The following ALDH18A1 variants were observed in gnomAD, a reference collection of about 807,000 sequenced individuals.
The protein encoded by ALDH18A1 is aldehyde dehydrogenase 18 family member A1, also known as delta-1-pyrroline-5-carboxylate synthase.
ALDH18A1 carries 44 observed loss-of-function variants against 88.8 expected under a neutral mutation model. That is an observed-to-expected ratio of 0.50 (90% confidence interval 0.39 to 0.64). The LOEUF (loss-of-function observed/expected upper bound fraction) is 0.64, where lower values mean the gene tolerates loss of function less well. Among genes scored for constraint, ALDH18A1 ranks in the 30% least tolerant of loss-of-function variants. The probability of loss-of-function intolerance (pLI) is 0.00; values close to 1 mark genes in which losing one functional copy is unlikely to be tolerated. For missense variants in ALDH18A1, 782 were observed against 1,009.5 expected, an observed-to-expected ratio of 0.77 and a Z score of 3.05; for synonymous variants, 331 against 372.1, an observed-to-expected ratio of 0.89 and a Z score of 1.27.
rs866679266 is a variant in ALDH18A1 at position 95,606,500 on chromosome 10, A to G, written c.*262T>C. On this transcript the variant is annotated 3_prime_UTR_variant, in exon 18 of 18. Coordinates refer to ENST00000371224, the MANE Select transcript of ALDH18A1 (RefSeq NM_002860.4). The stretch of plus-strand genomic sequence containing the variant: ...TTTTATGGGGAAAATGCACCTTTCA[A>G]TCCTAGAAGATAATTGGACTTGGCA... The G allele has an allele frequency of 3.0e-6, 4 of 1,327,994 alleles. No individual in the cohort carries two copies. The highest frequency in any genetic ancestry group is 2.9e-4 in the Middle Eastern group (1 of 3,390). The allele number at this position is 1,327,994 out of a possible 1,614,324, so 82.3% of individuals were successfully genotyped here.
At position 95,639,339 on chromosome 10, in the gene ALDH18A1, T is replaced by TAAAAAG. The variant is rs1033210310; in HGVS notation, c.304-1909_304-1904dup. Among the ~76,000 whole-genome samples, 78 of 151,588 alleles carry TAAAAAG rather than the reference T, an allele frequency of 5.1e-4. No individual in the cohort carries two copies. In the Middle Eastern group the frequency reaches 0.034, roughly 66 times the overall value. On this transcript the variant is annotated intron_variant, in intron 3 of 17. Transcript: ENST00000371224. ...AGCAAGACCCTCTCTCTAAAATAAA[T>TAAAAAG]AAAAAGAAAAAGAAAAAGAAAATTT...
chr10:95,627,233 A>G (rs1371938460), intron 9 of ALDH18A1, among the ~76,000 whole-genome samples: 1 of 151,580 alleles, frequency 6.6e-6, no homozygotes, highest in Admixed American at 6.6e-5. Context: ...ATGCTTATAT[A>G]TTTTAACCGA....
At chr10:95,626,913 G>A (rs575195370) in intron 9 of ALDH18A1, 137 bp from the exon 10 acceptor site, 6 of 851,740 alleles carry the variant, frequency 7.0e-6, no homozygotes, top group Non-Finnish European at 1.2e-5. Context: ...TGGTATGCTT[G>A]TTTCACACAG....
At chr10:95,655,607 C>A (rs1418552304) in intron 1 of ALDH18A1, among the ~76,000 whole-genome samples, 1 of 117,094 alleles carries the variant, frequency 8.5e-6, no homozygotes, top group Admixed American at 9.6e-5. Context: ...TCCCCTGTAC[C>A]ACCATCTCTG....
At chr10:95,640,646 T>C (rs1233781136) in intron 3 of ALDH18A1, among the ~76,000 whole-genome samples, 1 of 152,184 alleles carries the variant, frequency 6.6e-6, no homozygotes, top group East Asian at 1.9e-4. Context: ...CCAGCTGTGA[T>C]TCCCTTTCTT....
chr10:95,607,642 A>T (rs1055118232), intron 17 of ALDH18A1, among the ~76,000 whole-genome samples: 8 of 152,308 alleles, frequency 5.3e-5, no homozygotes, highest in South Asian at 2.1e-4. Context: ...TGTGGCGCTG[A>T]TATTATAGCA....
intron 13 of ALDH18A1, among the ~76,000 whole-genome samples, chr10:95,614,723 T>C (rs2097841441): frequency 6.6e-6 from 1 of 152,204 alleles, no homozygotes; most frequent in South Asian, 2.1e-4. Context: ...ACTGAGATTA[T>C]GGGCATTTTG....
chr10:95,626,894 A>G (rs2097861182), intron 9 of ALDH18A1, 118 bp from the exon 10 acceptor site: 12 of 1,011,982 alleles, frequency 1.2e-5, no homozygotes, highest in Non-Finnish European at 1.8e-5. Flanking sequence ...GAAGGAACAC[A>G]TGATGTCTTG....
intron 6 of ALDH18A1, 80 bp downstream of exon 6, chr10:95,633,411 A>C (rs992648135): frequency 6.5e-7 from 1 of 1,550,252 alleles, no homozygotes; most frequent in Non-Finnish European, 8.8e-7. Context: ...GTTTATGCCA[A>C]ACTTCTGGTG....
chr10:95,614,080 G>A lies in ALDH18A1; in HGVS notation c.1687C>T (p.Leu563=), dbSNP rs530424587. 2 of 1,614,210 alleles carry A rather than the reference G, an allele frequency of 1.2e-6. No homozygotes were observed. Among genetic ancestry groups the A allele is most frequent in the East Asian group, 4.5e-5 (2 of 44,890 alleles). The change falls in exon 14 of 18, where the codon CTG becomes TTG. Residue 563 remains leucine (L), a synonymous_variant. Transcript: ENST00000371224. ...DLIIPRGSSQ[L]VRDIQKAAKG... ...GCAGCTTTCTGGATGTCTCTGACCA[G>A]CTGGGAAGAGCCACGTGGAATGATC...
intron 17 of ALDH18A1, among the ~76,000 whole-genome samples, chr10:95,609,828 C>A (rs1180398104): frequency 7.4e-6 from 1 of 135,018 alleles, no homozygotes; most frequent in Non-Finnish European, 1.5e-5. Flanking sequence ...AGTGCTGTAG[C>A]GTAATCTCGG....
intron 7 of ALDH18A1, among the ~76,000 whole-genome samples, chr10:95,629,218 A>G (rs960891430): frequency 6.6e-6 from 1 of 152,260 alleles, no homozygotes; most frequent in Admixed American, 6.5e-5. Context: ...AGTGGGGGTA[A>G]GAAAGGGCTG....
chr10:95,636,822 G>A (rs981055760), intron 5 of ALDH18A1, among the ~76,000 whole-genome samples: 17 of 152,188 alleles, frequency 1.1e-4, no homozygotes, highest in African/African-American at 4.1e-4. Context: ...GATATTTACT[G>A]ACAATGTATT....
chr10:95,640,260 A>G (rs1237763746), intron 3 of ALDH18A1, among the ~76,000 whole-genome samples: 1 of 152,190 alleles, frequency 6.6e-6, no homozygotes, highest in Non-Finnish European at 1.5e-5. Context: ...TGGCCTCCAA[A>G]AATGGCCAAT....
chr10:95,618,603 T>C (rs2097847563), intron 12 of ALDH18A1, among the ~76,000 whole-genome samples: 1 of 152,218 alleles, frequency 6.6e-6, no homozygotes. Flanking sequence ...TGTCAGCCAC[T>C]GTGCCTGGCC....
At chr10:95,648,112 G>A (rs1049914990) in intron 2 of ALDH18A1, among the ~76,000 whole-genome samples, 6 of 152,194 alleles carry the variant, frequency 3.9e-5, no homozygotes, top group Admixed American at 2.0e-4. Context: ...CTGGACTCAG[G>A]ACTACTAGGA....
intron 15 of ALDH18A1, 28 bp downstream of exon 15, chr10:95,613,714 T>A: frequency 6.2e-7 from 1 of 1,613,892 alleles, no homozygotes; most frequent in Middle Eastern, 1.6e-4. Flanking sequence ...AGACAGGAAG[T>A]AATGTACTAG....
rs2097822269 is a variant in ALDH18A1, at chr10:95,606,176, C to T, written c.*586G>A. The T allele has an allele frequency of 4.5e-6, 4 of 896,848 alleles. No individual in the cohort carries two copies. Among genetic ancestry groups the T allele is most frequent in the Admixed American group, 5.8e-5 (1 of 17,284 alleles). The allele number at this position is 896,848 out of a possible 1,614,324, so 55.6% of individuals were successfully genotyped here. ...CGGGGAACACAGCATCTCCTGGATG[C>T]AGGAAGCTGCAAGCATCTGGAATGC... On this transcript the variant is annotated 3_prime_UTR_variant, in exon 18 of 18. Coordinates refer to ENST00000371224, the MANE Select transcript of ALDH18A1 (RefSeq NM_002860.4).
rs552316778 is a variant in ALDH18A1, at chr10:95,620,945, A to G, written c.1467+86T>C. The G allele has an allele frequency of 7.2e-4, 982 of 1,369,262 alleles. 3 individuals are homozygous for G. The highest frequency in any genetic ancestry group is 2.5e-4 in the Middle Eastern group (1 of 3,940). The allele number at this position is 1,369,262 out of a possible 1,614,324, so 84.8% of individuals were successfully genotyped here. The stretch of plus-strand genomic sequence containing the variant: ...CCTAGAACTTAAATTAAAAAAAAAA[A>G]AAAAGAAAAGAAAATATATTCTTCC... On this transcript the variant is annotated intron_variant, in intron 12 of 17. Coordinates refer to ENST00000371224, the MANE Select transcript of ALDH18A1 (RefSeq NM_002860.4).
Sources: allele counts gnomAD v4.1 joint callset (sites outside exome capture counted in the v4.1 genomes callset), GRCh38; gene constraint gnomAD v4.1.1; transcripts MANE v1.5; gene names NCBI Gene and HGNC (gene_info 2026-07-23, HGNC 2026-07-21).